Variants in SLC71A1 observed in about 807,000 individuals in gnomAD.
The protein encoded by SLC71A1 is hippocampus abundant gene transcript 1.
the SLC71A1 span, among the ~76,000 whole-genome samples, chr1:100,056,292 T>C: frequency 3.5e-3 from 527 of 152,352 alleles, 5 homozygotes; most frequent in African/African-American, 0.012. Context: ...GCCTGGCTTA[T>C]TTCACTTAAC....
chr1:100,064,881 G>A, the SLC71A1 span, among the ~76,000 whole-genome samples: 1 of 151,422 alleles, frequency 6.6e-6, no homozygotes, highest in Non-Finnish European at 1.5e-5. Context: ...GATCCACCAT[G>A]CCCAGCTAAT....
chr1:100,069,694 C>CT, the SLC71A1 span: 2 of 1,584,958 alleles, frequency 1.3e-6, no homozygotes, highest in Non-Finnish European at 1.7e-6. Context: ...AGGTGAGTTT[C>CT]TTTTTTTAGT....
chr1:100,077,109 G>T, the SLC71A1 span: 8 of 834,996 alleles, frequency 9.6e-6, no homozygotes, highest in Non-Finnish European at 1.5e-5. Flanking sequence ...AGTGTAGATT[G>T]AAAGAAGTCA....
the SLC71A1 span, among the ~76,000 whole-genome samples, chr1:100,046,237 TTTTTTTTG>T: frequency 2.4e-5 from 3 of 124,914 alleles, no homozygotes; most frequent in African/African-American, 9.5e-5. Context: ...TTTTTTTTTT[TTTTTTTTG>T]AGACAGAGTC....
the SLC71A1 span, among the ~76,000 whole-genome samples, chr1:100,059,152 T>TTTG: frequency 8.5e-6 from 1 of 117,686 alleles, no homozygotes; most frequent in African/African-American, 3.7e-5. Context: ...GTGTTTTTTT[T>TTTG]TTTTTTTTTT....
chr1:100,075,631 T>C, the SLC71A1 span, among the ~76,000 whole-genome samples: 10 of 152,148 alleles, frequency 6.6e-5, no homozygotes, highest in African/African-American at 1.9e-4. Flanking sequence ...AGAATCCTAA[T>C]CATTTCTAAT....
At chr1:100,064,266 C>G in the SLC71A1 span, among the ~76,000 whole-genome samples, 7 of 151,918 alleles carry the variant, frequency 4.6e-5, no homozygotes, top group Non-Finnish European at 1.0e-4. Context: ...CTCAGCCTCC[C>G]CAGTAGCTAT....
chr1:100,053,021 T>G, the SLC71A1 span, among the ~76,000 whole-genome samples: 4 of 152,144 alleles, frequency 2.6e-5, no homozygotes, highest in Non-Finnish European at 5.9e-5. Flanking sequence ...TGACCTCAGG[T>G]GATCCGCCTG....
At chr1:100,061,956 A>G in the SLC71A1 span, 16 of 1,482,814 alleles carry the variant, frequency 1.1e-5, no homozygotes, top group South Asian at 1.1e-4. Context: ...ACTGGTATGT[A>G]TGTTTATTCT....
At chr1:100,081,512 AC>A in the SLC71A1 span, among the ~76,000 whole-genome samples, 3 of 152,180 alleles carry the variant, frequency 2.0e-5, no homozygotes, top group Admixed American at 2.0e-4. Flanking sequence ...AGCTGGGATT[AC>A]AGGCATATGC....
the SLC71A1 span, among the ~76,000 whole-genome samples, chr1:100,063,216 T>G: frequency 1.4e-4 from 22 of 152,218 alleles, no homozygotes; most frequent in African/African-American, 5.3e-4. Flanking sequence ...AGTTTTGAAA[T>G]TAACAATTTT....
At chr1:100,038,163 A>G in the SLC71A1 span, 1 of 1,346,532 alleles carries the variant, frequency 7.4e-7, no homozygotes, top group South Asian at 1.3e-5. Context: ...TAGTGGTGGG[A>G]CGGCACTAGC....
At chr1:100,072,316 C>A in the SLC71A1 span, among the ~76,000 whole-genome samples, 1 of 152,176 alleles carries the variant, frequency 6.6e-6, no homozygotes, top group African/African-American at 2.4e-5. Context: ...TGCTTTTGTT[C>A]CTGCTATTCT....
At chr1:100,080,953 G>A in the SLC71A1 span, among the ~76,000 whole-genome samples, 2 of 152,168 alleles carry the variant, frequency 1.3e-5, no homozygotes, top group Non-Finnish European at 2.9e-5. Flanking sequence ...TAATATCACA[G>A]TTGTGTATGT....
the SLC71A1 span, among the ~76,000 whole-genome samples, chr1:100,075,867 G>A: frequency 6.6e-6 from 1 of 152,102 alleles, no homozygotes; most frequent in Middle Eastern, 3.2e-3. Context: ...TTGTAGAGAT[G>A]TGGTCTCTTT....
the SLC71A1 span, among the ~76,000 whole-genome samples, chr1:100,070,100 C>T: frequency 3.9e-5 from 6 of 152,220 alleles, no homozygotes; most frequent in Admixed American, 3.3e-4. Context: ...AAAATAAAAA[C>T]ACCAATGTAA....
At chr1:100,049,975 TGG>T in the SLC71A1 span, 1 of 1,604,386 alleles carries the variant, frequency 6.2e-7, no homozygotes, top group Non-Finnish European at 8.5e-7. Flanking sequence ...GTTTTTTGCT[TGG>T]GGACTATTGA....
chr1:100,082,109 C>A, the SLC71A1 span: 1 of 1,614,152 alleles, frequency 6.2e-7, no homozygotes, highest in South Asian at 1.1e-5. Context: ...AGCTTAAGGT[C>A]CAGCAGTTGG....
At chr1:100,080,674 A>G in the SLC71A1 span, 1,734 of 1,608,440 alleles carry the variant, frequency 1.1e-3, 4 homozygotes, top group Middle Eastern at 5.2e-3. Context: ...TTCTCATTCA[A>G]CATGATCAAA....
Sources: allele counts gnomAD v4.1 joint callset (sites outside exome capture counted in the v4.1 genomes callset), GRCh38; gene constraint gnomAD v4.1.1; transcripts MANE v1.5; gene names NCBI Gene and HGNC (gene_info 2026-07-23, HGNC 2026-07-21).